The following CAPZA1 variants were observed in gnomAD, a reference collection of about 807,000 sequenced individuals.
CAPZA1 encodes capping actin protein of muscle Z-line subunit alpha 1, also known as F-actin-capping protein subunit alpha-1.
A neutral mutation model predicts 40.8 loss-of-function variants in CAPZA1; 10 were observed. The ratio of observed to expected loss-of-function variants is 0.25; its 90% confidence interval spans 0.15 to 0.42. The LOEUF (loss-of-function observed/expected upper bound fraction) is 0.42, where lower values mean the gene tolerates loss of function less well. Ranked by LOEUF, CAPZA1 falls within the 10% of genes least tolerant of loss-of-function variation. The pLI is 1.00. For missense variants in CAPZA1, 277 were observed against 353.8 expected (o/e 0.78, Z 1.74); for synonymous variants, 98 against 115.0 (o/e 0.85, Z 0.95).
At chr1:112,632,689 T>C (rs2101143926) in intron 1 of CAPZA1, among the ~76,000 whole-genome samples, 1 of 152,320 alleles carries the variant, frequency 6.6e-6, no homozygotes, top group African/African-American at 2.4e-5. Flanking sequence ...AGTCAAGTGT[T>C]TAAGACATAC....
rs1319460381 is a variant in CAPZA1, at chr1:112,670,143, T to G, written c.*11T>G. 6.2e-7 allele frequency: 1 copy of G among 1,613,684 alleles called. No homozygotes were observed. The highest frequency in any genetic ancestry group is 8.5e-7 in the Non-Finnish European group (1 of 1,179,618). ...ATGCAGAATGCTTAAAGGCTGAATG[T>G]AGGATTCTTCAGTATGTGGAAAGAC... On this transcript the variant is annotated 3_prime_UTR_variant, in exon 10 of 10. Transcript: ENST00000263168.
intron 7 of CAPZA1, among the ~76,000 whole-genome samples, chr1:112,662,395 C>CTT (rs35100851): frequency 0.048 from 4,692 of 97,230 alleles, 491 homozygotes; most frequent in Non-Finnish European, 0.061. Flanking sequence ...TAGAATTTTT[C>CTT]TTTTTTTTTT....
chr1:112,628,675 A>G (rs1670861014), intron 1 of CAPZA1, among the ~76,000 whole-genome samples: 1 of 152,222 alleles, frequency 6.6e-6, no homozygotes, highest in Non-Finnish European at 1.5e-5. Flanking sequence ...TTGTTATCAC[A>G]TTACTAGCAG....
chr1:112,640,112 G>T (rs1197901160), intron 1 of CAPZA1, among the ~76,000 whole-genome samples: 1 of 122,686 alleles, frequency 8.2e-6, no homozygotes, highest in Non-Finnish European at 1.8e-5. Context: ...CCTCTGCCCA[G>T]CCAGCCGCCC....
intron 1 of CAPZA1, among the ~76,000 whole-genome samples, chr1:112,624,742 A>G (rs1373591733): frequency 6.6e-6 from 1 of 151,572 alleles, no homozygotes; most frequent in Non-Finnish European, 1.5e-5. Context: ...CTTAACCTCT[A>G]TGGGTGGGCC....
chr1:112,643,575 A>T (rs1671221555), intron 1 of CAPZA1, among the ~76,000 whole-genome samples: 1 of 152,216 alleles, frequency 6.6e-6, no homozygotes, highest in African/African-American at 2.4e-5. Flanking sequence ...ATATGACTCT[A>T]TGAGGAGATG....
At chr1:112,624,026 AAG>A (rs1553178315) in intron 1 of CAPZA1, among the ~76,000 whole-genome samples, 12 of 150,286 alleles carry the variant, frequency 8.0e-5, no homozygotes, top group Non-Finnish European at 1.3e-4. Flanking sequence ...AAAAAGAAAA[AAG>A]AAAAGAAAAA....
intron 1 of CAPZA1, among the ~76,000 whole-genome samples, chr1:112,625,657 C>T (rs1670790939): frequency 6.6e-6 from 1 of 152,068 alleles, no homozygotes; most frequent in Admixed American, 6.5e-5. Context: ...ATCCAGACAC[C>T]CCCATAATCT....
chr1:112,651,188 C>T (rs1419481257), intron 3 of CAPZA1, among the ~76,000 whole-genome samples: 1 of 152,166 alleles, frequency 6.6e-6, no homozygotes, highest in East Asian at 1.9e-4. Flanking sequence ...AGTTTCTGGC[C>T]ACCAGAACCA....
chr1:112,641,682 A>G (rs1312041866), intron 1 of CAPZA1, among the ~76,000 whole-genome samples: 3 of 152,016 alleles, frequency 2.0e-5, no homozygotes, highest in Non-Finnish European at 4.4e-5. Context: ...TGAGGTCAGG[A>G]GTTCAAGACG....
chr1:112,654,755 C>A, intron 5 of CAPZA1, 84 bp downstream of exon 5: 1 of 855,238 alleles, frequency 1.2e-6, no homozygotes, highest in Non-Finnish European at 1.8e-6. Flanking sequence ...ACCAAACATC[C>A]CTACTTTCTT....
intron 5 of CAPZA1, among the ~76,000 whole-genome samples, chr1:112,658,364 C>G: frequency 6.6e-6 from 1 of 152,152 alleles, no homozygotes; most frequent in East Asian, 1.9e-4. Context: ...TTGCAATATA[C>G]TGCTAGACTT....
At chr1:112,635,424 AGTGGAAT>A (rs1263596524) in intron 1 of CAPZA1, among the ~76,000 whole-genome samples, 1 of 152,206 alleles carries the variant, frequency 6.6e-6, no homozygotes, top group Non-Finnish European at 1.5e-5. Flanking sequence ...TTTGCTGATA[AGTGGAAT>A]GTGGATATTA....
Position 112,628,315 on chromosome 1 carries a change from C to T in CAPZA1, c.39+8432C>T, listed in dbSNP as rs535542983. The stretch of plus-strand genomic sequence containing the variant: ...TTAGTGAACTTGCTGTGGTTCAAAT[C>T]TTAGTCCTCTGCTTATTTAGCTCAG... On this transcript the variant is annotated intron_variant, in intron 1 of 9. Coordinates refer to ENST00000263168, the MANE Select transcript of CAPZA1 (RefSeq NM_006135.3). Among the ~76,000 whole-genome samples, 121 of 152,296 alleles carry T rather than the reference C, an allele frequency of 7.9e-4. 1 individual carries two copies. In the South Asian group the frequency reaches 0.015, roughly 19 times the overall value.
At chr1:112,653,812 C>CT (rs1671447359) in intron 4 of CAPZA1, 151 bp downstream of exon 4, 2 of 567,548 alleles carry the variant, frequency 3.5e-6, no homozygotes, top group East Asian at 6.1e-5. Context: ...ATATTCTTCT[C>CT]TTTCTCATAA....
intron 3 of CAPZA1, among the ~76,000 whole-genome samples, chr1:112,653,043 G>A (rs146829689): frequency 3.7e-4 from 57 of 152,194 alleles, no homozygotes; most frequent in Middle Eastern, 3.4e-3. Flanking sequence ...ATAGTTTCTC[G>A]TGACTTTGAG....
intron 5 of CAPZA1, 21 bp from the exon 6 acceptor site, chr1:112,659,001 A>T (rs376946228): frequency 1.3e-6 from 2 of 1,529,342 alleles, no homozygotes; most frequent in Admixed American, 1.7e-5. Context: ...GTCTTTAACT[A>T]TTTTTTTTTC....
At chr1:112,667,213 C>A (rs533165868) in intron 8 of CAPZA1, 68 bp downstream of exon 8, 1 of 1,147,238 alleles carries the variant, frequency 8.7e-7, no homozygotes, top group Admixed American at 2.0e-5. Context: ...TAGTTTTGAT[C>A]CTGAGTGCTG....
chr1:112,637,918 C>T (rs939049214), intron 1 of CAPZA1, among the ~76,000 whole-genome samples: 3 of 152,120 alleles, frequency 2.0e-5, no homozygotes, highest in Admixed American at 6.5e-5. Context: ...GGGACAGAAA[C>T]GCTGTGACTC....
Sources: allele counts gnomAD v4.1 joint callset (sites outside exome capture counted in the v4.1 genomes callset), GRCh38; gene constraint gnomAD v4.1.1; transcripts MANE v1.5; gene names NCBI Gene and HGNC (gene_info 2026-07-23, HGNC 2026-07-21).